The following SNTG2 variants were observed in gnomAD, a reference collection of about 807,000 sequenced individuals.
SNTG2 encodes syntrophin gamma 2, also known as gamma-2-syntrophin.
Under a neutral mutation model 70.9 loss-of-function variants are expected in SNTG2, and 74 were observed. The observed-to-expected ratio is 1.04, with a 90% CI of 0.86 to 1.27. SNTG2 has a LOEUF of 1.27. Among genes scored for constraint, SNTG2 ranks in the 50% most tolerant of loss-of-function variants. The probability of loss-of-function intolerance (pLI) is 0.00; values close to 1 mark genes in which losing one functional copy is unlikely to be tolerated. For synonymous variants in SNTG2, 278 were observed against 273.8 expected, an observed-to-expected ratio of 1.02 and a Z score of -0.15; for missense variants, 717 against 690.7, an observed-to-expected ratio of 1.04 and a Z score of -0.43.
At chr2:1,009,198 G>A (rs1209854704) in intron 1 of SNTG2, among the ~76,000 whole-genome samples, 6 of 114,934 alleles carry the variant, frequency 5.2e-5, no homozygotes, top group East Asian at 4.0e-4. Flanking sequence ...GGTGTGGGTC[G>A]TGTGTATGGC....
intron 16 of SNTG2, among the ~76,000 whole-genome samples, chr2:1,366,622 C>T (rs1205265458): frequency 1.3e-5 from 2 of 152,190 alleles, no homozygotes; most frequent in Admixed American, 6.5e-5. Flanking sequence ...TCCTGCTCTC[C>T]CGTAGCCATG....
intron 1 of SNTG2, among the ~76,000 whole-genome samples, chr2:998,993 A>G (rs1388416583): frequency 1.3e-5 from 2 of 152,168 alleles, no homozygotes; most frequent in East Asian, 3.8e-4. Flanking sequence ...TTCTACTTTC[A>G]GGCTTCTTAA....
chr2:1,346,812 C>G (rs1660310862), intron 16 of SNTG2, among the ~76,000 whole-genome samples: 1 of 152,042 alleles, frequency 6.6e-6, no homozygotes, highest in Non-Finnish European at 1.5e-5. Context: ...GTGGGTATCT[C>G]CAAGCGGGGG....
At chr2:1,068,064 G>A (rs1236324897) in intron 1 of SNTG2, 1 of 152,172 alleles carries the variant, frequency 6.6e-6, no homozygotes, top group Admixed American at 6.5e-5. Flanking sequence ...GTGTCAACCT[G>A]AGCTTATCCT....
chr2:1,307,386 G>A (rs1319855224), intron 14 of SNTG2, among the ~76,000 whole-genome samples: 3 of 146,598 alleles, frequency 2.0e-5, no homozygotes, highest in African/African-American at 7.6e-5. Context: ...TGGTGTTAGC[G>A]GTGCACTGTG....
intron 6 of SNTG2, among the ~76,000 whole-genome samples, chr2:1,159,138 G>A (rs1400615675): frequency 2.1e-5 from 1 of 48,110 alleles, no homozygotes; most frequent in Non-Finnish European, 5.8e-5. Flanking sequence ...GCATGGGTGT[G>A]CATATGTGGG....
chr2:1,055,472 C>T (rs1662334257), intron 1 of SNTG2, among the ~76,000 whole-genome samples: 1 of 152,170 alleles, frequency 6.6e-6, no homozygotes, highest in African/African-American at 2.4e-5. Flanking sequence ...TTTCCACCCA[C>T]TGTGGAGGCT....
intron 1 of SNTG2, among the ~76,000 whole-genome samples, chr2:1,077,102 T>C (rs537181702): frequency 6.6e-6 from 1 of 152,294 alleles, no homozygotes; most frequent in Admixed American, 6.5e-5. Flanking sequence ...CTATAAATCA[T>C]AATGCACTTT....
intron 16 of SNTG2, among the ~76,000 whole-genome samples, chr2:1,359,610 T>C (rs1205154741): frequency 2.0e-5 from 3 of 152,176 alleles, no homozygotes; most frequent in Non-Finnish European, 4.4e-5. Flanking sequence ...CTCAATGTTT[T>C]TGTTGTTGTC....
At chr2:1,037,068 C>G (rs1661171749) in intron 1 of SNTG2, among the ~76,000 whole-genome samples, 1 of 152,242 alleles carries the variant, frequency 6.6e-6, no homozygotes, top group African/African-American at 2.4e-5. Context: ...GGAGCACAAG[C>G]AAAGTAGAAA....
At chr2:953,423 G>A (rs1186529373) in intron 1 of SNTG2, among the ~76,000 whole-genome samples, 1 of 152,236 alleles carries the variant, frequency 6.6e-6, no homozygotes, top group African/African-American at 2.4e-5. Flanking sequence ...TATGTGATGA[G>A]CTTGCCCACT....
chr2:1,031,232 C>T (rs147671056), intron 1 of SNTG2, among the ~76,000 whole-genome samples: 8 of 152,076 alleles, frequency 5.3e-5, no homozygotes, highest in South Asian at 2.1e-4. Flanking sequence ...GTGGACTTTA[C>T]GTGCAGAGGG....
At chr2:993,498 A>G (rs1216581369) in intron 1 of SNTG2, among the ~76,000 whole-genome samples, 2 of 152,048 alleles carry the variant, frequency 1.3e-5, no homozygotes, top group Non-Finnish European at 2.9e-5. Context: ...CCTGGTTTTC[A>G]ATTCTCTTAA....
intron 14 of SNTG2, among the ~76,000 whole-genome samples, chr2:1,302,540 T>TAAAAAA (rs34803391): frequency 6.5e-4 from 44 of 68,190 alleles, no homozygotes; most frequent in African/African-American, 1.7e-3. Context: ...ATTGGAATGC[T>TAAAAAA]AAAAAAAAAA....
At chr2:1,053,420 A>G (rs956140486) in intron 1 of SNTG2, among the ~76,000 whole-genome samples, 1 of 151,692 alleles carries the variant, frequency 6.6e-6, no homozygotes, top group Non-Finnish European at 1.5e-5. Context: ...AAATCTAGCT[A>G]CTCCAGGAGG....
At chr2:1,265,566 C>T (rs1272357689) in intron 13 of SNTG2, among the ~76,000 whole-genome samples, 1 of 152,228 alleles carries the variant, frequency 6.6e-6, no homozygotes, top group Non-Finnish European at 1.5e-5. Flanking sequence ...AGGGCATCCC[C>T]CCGGAGAGTC....
intron 16 of SNTG2, among the ~76,000 whole-genome samples, chr2:1,325,528 C>T (rs1681723863): frequency 6.6e-6 from 1 of 152,166 alleles, no homozygotes; most frequent in South Asian, 2.1e-4. Context: ...AGTTTTGGTT[C>T]TGGTTTTGTT....
At chr2:998,842 T>TA (rs1432104408) in intron 1 of SNTG2, among the ~76,000 whole-genome samples, 1 of 152,058 alleles carries the variant, frequency 6.6e-6, no homozygotes, top group Non-Finnish European at 1.5e-5. Flanking sequence ...ATTATTACAC[T>TA]ATCCAAAGAC....
Position 1,057,043 on chromosome 2 carries a change from C to G in SNTG2, c.73-26475C>G, listed in dbSNP as rs1019268567. Among the ~76,000 whole-genome samples, 3 of 151,870 alleles carry G rather than the reference C, an allele frequency of 2.0e-5. No homozygotes were observed. In the South Asian group the frequency reaches 6.2e-4, roughly 32 times the overall value. ...CTGTGCTGCGGGGAACGATGCATGC[C>G]GCTTCCTCCAGGACCTGTGAGTGCA... On this transcript the variant is annotated intron_variant, in intron 1 of 16. Coordinates refer to ENST00000308624, the MANE Select transcript of SNTG2 (RefSeq NM_018968.4).
Sources: allele counts gnomAD v4.1 joint callset (sites outside exome capture counted in the v4.1 genomes callset), GRCh38; gene constraint gnomAD v4.1.1; transcripts MANE v1.5; gene names NCBI Gene and HGNC (gene_info 2026-07-23, HGNC 2026-07-21).